ATP8A2: variants seen among roughly 807,000 people sequenced by gnomAD.
ATP8A2 encodes ATPase phospholipid transporting 8A2.
A neutral mutation model predicts 165.6 loss-of-function variants in ATP8A2; 100 were observed. The observed-to-expected ratio is 0.60, with a 90% CI of 0.51 to 0.71. The LOEUF (loss-of-function observed/expected upper bound fraction) is 0.71, where lower values mean the gene tolerates loss of function less well. Ranked by LOEUF, ATP8A2 falls within the 30% of genes least tolerant of loss-of-function variation. The pLI, the probability that ATP8A2 is intolerant of heterozygous loss-of-function variation, is 0.00. For synonymous variants in ATP8A2, 543 were observed against 548.8 expected, an observed-to-expected ratio of 0.99 and a Z score of 0.15; for missense variants, 1,227 against 1,479.5, an observed-to-expected ratio of 0.83 and a Z score of 2.80.
intron 1 of ATP8A2, among the ~76,000 whole-genome samples, chr13:25,465,719 CTTTCTTTCTTTCTT>C: frequency 1.2e-4 from 5 of 40,302 alleles, no homozygotes; most frequent in African/African-American, 3.6e-4. Context: ...TTCTTTCTTT[CTTTCTTTCTTTCTT>C]TCTTTCCCTC....
At chr13:25,707,202 T>C (rs1378517073) in intron 25 of ATP8A2, among the ~76,000 whole-genome samples, 2 of 152,164 alleles carry the variant, frequency 1.3e-5, no homozygotes, top group Admixed American at 6.5e-5. Flanking sequence ...AAACCATTTC[T>C]AAATAATTAT....
chr13:25,682,197 G>A (rs765082964), intron 24 of ATP8A2, among the ~76,000 whole-genome samples: 4 of 152,086 alleles, frequency 2.6e-5, no homozygotes, highest in Non-Finnish European at 5.9e-5. Context: ...GAAGTTGCTG[G>A]TATCTGTTAG....
intron 1 of ATP8A2, among the ~76,000 whole-genome samples, chr13:25,421,190 A>G (rs1176594262): frequency 1.3e-5 from 2 of 152,246 alleles, no homozygotes; most frequent in African/African-American, 4.8e-5. Flanking sequence ...TGGTCCTAGC[A>G]TTGCAGTGGA....
chr13:25,572,123 ATCTC>A (rs10552616), intron 18 of ATP8A2, among the ~76,000 whole-genome samples: 99,485 of 149,384 alleles, frequency 0.67, 33,903 homozygotes, highest in African/African-American at 0.72. Flanking sequence ...CAGCGTTAAG[ATCTC>A]TCTCTCTCTC....
chr13:25,746,461 G>A (rs1160979954), intron 25 of ATP8A2, among the ~76,000 whole-genome samples: 1 of 152,220 alleles, frequency 6.6e-6, no homozygotes, highest in Non-Finnish European at 1.5e-5. Flanking sequence ...TTTGAACCTG[G>A]AAGGACTTCT....
chr13:25,999,820 C>T (rs1220946719), intron 35 of ATP8A2, among the ~76,000 whole-genome samples: 3 of 152,176 alleles, frequency 2.0e-5, no homozygotes, highest in African/African-American at 7.2e-5. Context: ...GAATCATCTA[C>T]TACCATCTAA....
intron 24 of ATP8A2, among the ~76,000 whole-genome samples, chr13:25,662,368 G>T (rs79721597): frequency 0.029 from 4,463 of 152,212 alleles, 123 homozygotes; most frequent in East Asian, 0.13. Context: ...TAAGAAAAAA[G>T]AATTCATAGG....
intron 1 of ATP8A2, among the ~76,000 whole-genome samples, chr13:25,467,967 A>C (rs983998864): frequency 1.2e-4 from 19 of 152,204 alleles, no homozygotes; most frequent in African/African-American, 4.3e-4. Context: ...TCATCTGTAG[A>C]GTATTAATTT....
rs143919899 is a variant in ATP8A2, at chr13:25,415,907, C to A, written c.76+43619C>A. ...TGTAGAGGCCAATTGTAGCTCCCTG[C>A]AGCCTCAAACTCCTGGGCTCAAGGG... On this transcript the variant is annotated intron_variant, in intron 1 of 36. Transcript: ENST00000381655. Among the ~76,000 whole-genome samples the A allele has an allele frequency of 3.2e-3, 494 of 152,250 alleles. 6 individuals are homozygous for A. The highest frequency in any genetic ancestry group is 0.011 in the African/African-American group (464 of 41,554).
chr13:25,790,720 A>G (rs984732297), intron 27 of ATP8A2, among the ~76,000 whole-genome samples: 2 of 151,944 alleles, frequency 1.3e-5, no homozygotes, highest in African/African-American at 2.4e-5. Flanking sequence ...TAAGCAAAGA[A>G]CATAAACAGA....
intron 24 of ATP8A2, among the ~76,000 whole-genome samples, chr13:25,649,762 A>G (rs1445917408): frequency 2.0e-5 from 3 of 152,074 alleles, no homozygotes; most frequent in African/African-American, 4.8e-5. Context: ...GTAGAGTCCA[A>G]GGCTGGTCCT....
chr13:25,743,235 C>T (rs1279778054), intron 25 of ATP8A2, among the ~76,000 whole-genome samples: 1 of 151,958 alleles, frequency 6.6e-6, no homozygotes. Flanking sequence ...CCAAGGAACG[C>T]CATGGAATGC....
chr13:25,587,391 C>T (rs1396713041), intron 23 of ATP8A2, among the ~76,000 whole-genome samples: 1 of 152,022 alleles, frequency 6.6e-6, no homozygotes, highest in Non-Finnish European at 1.5e-5. Flanking sequence ...TATTTAAATT[C>T]ATGAAAGTGT....
At chr13:25,377,960 A>C (rs2032697461) in intron 1 of ATP8A2, among the ~76,000 whole-genome samples, 1 of 152,120 alleles carries the variant, frequency 6.6e-6, no homozygotes, top group Admixed American at 6.5e-5. Context: ...CTCTACAAAA[A>C]AATTATAAAT....
At chr13:25,764,592 GC>G (rs1351669843) in intron 25 of ATP8A2, among the ~76,000 whole-genome samples, 1 of 152,228 alleles carries the variant, frequency 6.6e-6, no homozygotes, top group Non-Finnish European at 1.5e-5. Flanking sequence ...CACAGGCCCA[GC>G]CCAGGCTTTC....
rs373280264 is a variant in ATP8A2 at position 25,935,210 on chromosome 13, G to A, written c.3184-26365G>A. Among the ~76,000 whole-genome samples, 9 of 152,278 alleles carry A rather than the reference G, an allele frequency of 5.9e-5. No individual in the cohort carries two copies. The South Asian group carries it at 1.7e-3, about 28-fold the overall frequency. On this transcript the variant is annotated intron_variant, in intron 33 of 36. Coordinates refer to ENST00000381655, the MANE Select transcript of ATP8A2 (RefSeq NM_016529.6). ...GATTTGGGCAGCTGCCTCCCTGAAG[G>A]ACATGTTGTCTCAGTTGATATTTCA...
At chr13:25,949,590 G>A (rs954353795) in intron 33 of ATP8A2, among the ~76,000 whole-genome samples, 1 of 152,040 alleles carries the variant, frequency 6.6e-6, no homozygotes, top group African/African-American at 2.4e-5. Flanking sequence ...AGACACACAG[G>A]CCCCCAGCAT....
intron 24 of ATP8A2, among the ~76,000 whole-genome samples, chr13:25,610,683 G>A (rs1315367600): frequency 1.3e-5 from 2 of 152,054 alleles, no homozygotes; most frequent in African/African-American, 4.8e-5. Context: ...GAATTGCATT[G>A]AATTTGTAGA....
At chr13:26,009,455 A>T (rs1178027981) in intron 35 of ATP8A2, among the ~76,000 whole-genome samples, 1 of 152,170 alleles carries the variant, frequency 6.6e-6, no homozygotes, top group Non-Finnish European at 1.5e-5. Flanking sequence ...ATCCCAGCCC[A>T]CACATCCAGG....
Sources: allele counts gnomAD v4.1 joint callset (sites outside exome capture counted in the v4.1 genomes callset), GRCh38; gene constraint gnomAD v4.1.1; transcripts MANE v1.5; gene names NCBI Gene and HGNC (gene_info 2026-07-23, HGNC 2026-07-21).